Variants in LRRC4C observed in about 807,000 individuals in gnomAD.
LRRC4C encodes leucine rich repeat containing 4C, also known as leucine-rich repeat-containing protein 4C.
In LRRC4C, 5 loss-of-function variants were observed where a neutral mutation model predicts 33.6. The observed-to-expected ratio is 0.15, with a 90% CI of 0.08 to 0.31. LRRC4C has a LOEUF of 0.31. LRRC4C is among the 10% of genes least tolerant of loss of function. LRRC4C has a pLI of 1.00. For missense variants in LRRC4C, 560 were observed against 796.7 expected, an observed-to-expected ratio of 0.70 and a Z score of 3.58; for synonymous variants, 329 against 302.0, an observed-to-expected ratio of 1.09 and a Z score of -0.93.
At chr11:40,721,195 T>G (rs1277786678) in intron 2 of LRRC4C, among the ~76,000 whole-genome samples, 7 of 152,162 alleles carry the variant, frequency 4.6e-5, no homozygotes, top group Admixed American at 4.6e-4. Flanking sequence ...CGGTGGAATT[T>G]GAAGATAAGG....
chr11:40,661,864 C>T (rs187540645), intron 2 of LRRC4C, among the ~76,000 whole-genome samples: 2 of 152,256 alleles, frequency 1.3e-5, no homozygotes, highest in Admixed American at 1.3e-4. Context: ...GTTACACAAA[C>T]CCCCAACTCT....
At chr11:40,797,337 G>A (rs1188456216) in intron 2 of LRRC4C, among the ~76,000 whole-genome samples, 1 of 152,034 alleles carries the variant, frequency 6.6e-6, no homozygotes, top group African/African-American at 2.4e-5. Context: ...TTACTGTGGG[G>A]CATCTGAGAG....
At chr11:40,514,103 A>G (rs905934197) in intron 3 of LRRC4C, among the ~76,000 whole-genome samples, 1 of 152,180 alleles carries the variant, frequency 6.6e-6, no homozygotes, top group Non-Finnish European at 1.5e-5. Context: ...CAATTTACCT[A>G]TTCCAGCAAA....
At chr11:41,442,467 T>TTTTC (rs1955657356) in intron 1 of LRRC4C, among the ~76,000 whole-genome samples, 1 of 76,272 alleles carries the variant, frequency 1.3e-5, no homozygotes, top group Non-Finnish European at 2.9e-5. Context: ...TCTTTTTTTT[T>TTTTC]TTTTTTTTTT....
At chr11:41,021,189 G>C (rs1399055439) in intron 1 of LRRC4C, among the ~76,000 whole-genome samples, 2 of 142,972 alleles carry the variant, frequency 1.4e-5, no homozygotes, top group Non-Finnish European at 3.1e-5. Flanking sequence ...GAGAGAGAGA[G>C]AGAGAGAGAG....
At chr11:40,331,632 C>T (rs770500943) in intron 3 of LRRC4C, among the ~76,000 whole-genome samples, 5 of 152,202 alleles carry the variant, frequency 3.3e-5, no homozygotes, top group East Asian at 1.9e-4. Flanking sequence ...CATCATTCAA[C>T]TGGTTGAGTG....
At chr11:41,092,439 A>G (rs1940492390) in intron 1 of LRRC4C, among the ~76,000 whole-genome samples, 1 of 152,198 alleles carries the variant, frequency 6.6e-6, no homozygotes, top group Admixed American at 6.5e-5. Flanking sequence ...TGTTGACTGT[A>G]GTAAACTCTC....
chr11:40,884,961 A>G (rs1488530722), intron 2 of LRRC4C, among the ~76,000 whole-genome samples: 3 of 152,026 alleles, frequency 2.0e-5, no homozygotes, highest in Non-Finnish European at 2.9e-5. Context: ...GTGGAATAAT[A>G]GACACTGGAA....
At chr11:40,521,155 G>A (rs942203408) in intron 3 of LRRC4C, among the ~76,000 whole-genome samples, 1 of 152,152 alleles carries the variant, frequency 6.6e-6, no homozygotes, top group Non-Finnish European at 1.5e-5. Context: ...AGCTAATGGG[G>A]AAATCAATGT....
intron 1 of LRRC4C, among the ~76,000 whole-genome samples, chr11:41,004,637 T>C (rs1460708937): frequency 1.3e-5 from 2 of 152,202 alleles, no homozygotes. Context: ...ATGACCTACA[T>C]AGCACAGTAG....
intron 2 of LRRC4C, among the ~76,000 whole-genome samples, chr11:40,886,977 T>C (rs1338885650): frequency 6.7e-6 from 1 of 148,696 alleles, no homozygotes; most frequent in African/African-American, 2.5e-5. Flanking sequence ...TACATATATA[T>C]ATATACGTGT....
intron 4 of LRRC4C, among the ~76,000 whole-genome samples, chr11:40,294,805 A>C (rs79096758): frequency 0.47 from 70,904 of 151,750 alleles, 16,899 homozygotes; most frequent in Admixed American, 0.54. Flanking sequence ...CCAGCCTGGG[A>C]GACAAGAGCA....
chr11:41,129,642 C>T (rs1333791035), intron 1 of LRRC4C, among the ~76,000 whole-genome samples: 1 of 151,784 alleles, frequency 6.6e-6, no homozygotes, highest in Non-Finnish European at 1.5e-5. Context: ...ATAAAATCAC[C>T]TTTTCAAATT....
At chr11:41,095,816 T>C (rs1343257271) in intron 1 of LRRC4C, among the ~76,000 whole-genome samples, 1 of 152,230 alleles carries the variant, frequency 6.6e-6, no homozygotes, top group African/African-American at 2.4e-5. Flanking sequence ...GGTGGTGTTT[T>C]GATTTCCATC....
At chr11:40,757,299 G>A (rs1336216409) in intron 2 of LRRC4C, among the ~76,000 whole-genome samples, 1 of 151,974 alleles carries the variant, frequency 6.6e-6, no homozygotes. Context: ...TAGGAATTAG[G>A]ATGGGCATCT....
rs1555142893 is a variant in LRRC4C, at chr11:41,306,037, A to AAAG, written c.-496+153393_-496+153394insCTT. Among the ~76,000 whole-genome samples, 56 of 144,834 alleles carry AAAG rather than the reference A, an allele frequency of 3.9e-4. 1 individual carries two copies. Among genetic ancestry groups the AAAG allele is most frequent in the South Asian group, 3.3e-3 (15 of 4,572 alleles). On this transcript the variant is annotated intron_variant, in intron 1 of 6. Coordinates refer to ENST00000528697, the MANE Select transcript of LRRC4C (RefSeq NM_001258419.2). ...TTCTTTCTCTAAAAAAAAAAAAAAA[A>AAAG]AAAGAAAGAAAAATACTGCATTAAA...
chr11:40,318,632 G>A (rs1029663276), intron 4 of LRRC4C, among the ~76,000 whole-genome samples: 3 of 152,160 alleles, frequency 2.0e-5, no homozygotes, highest in South Asian at 4.1e-4. Flanking sequence ...TACACGGGTT[G>A]TTTATTAAAT....
At chr11:40,363,609 C>T (rs996905965) in intron 3 of LRRC4C, among the ~76,000 whole-genome samples, 2 of 152,054 alleles carry the variant, frequency 1.3e-5, no homozygotes, top group African/African-American at 4.8e-5. Context: ...AAGATAACCT[C>T]ACAAGAAATC....
intron 1 of LRRC4C, among the ~76,000 whole-genome samples, chr11:41,224,155 TAAATTAATAA>T (rs1434327988): frequency 2.0e-5 from 3 of 152,164 alleles, no homozygotes; most frequent in Non-Finnish European, 4.4e-5. Context: ...TTAAGTGGAT[TAAATTAATAA>T]GAGAGAATTA....
Sources: allele counts gnomAD v4.1 joint callset (sites outside exome capture counted in the v4.1 genomes callset), GRCh38; gene constraint gnomAD v4.1.1; transcripts MANE v1.5; gene names NCBI Gene and HGNC (gene_info 2026-07-23, HGNC 2026-07-21).